GABRG1: variants seen among roughly 807,000 people sequenced by gnomAD.
GABRG1 encodes the protein gamma-aminobutyric acid receptor subunit gamma-1.
GABRG1 carries 49 observed loss-of-function variants against 49.8 expected under a neutral mutation model. That is an observed-to-expected ratio of 0.98 (90% CI 0.78 to 1.25). The LOEUF (loss-of-function observed/expected upper bound fraction) is 1.25. GABRG1 is among the 50% of genes most tolerant of loss of function. GABRG1 has a pLI of 0.00. For missense variants in GABRG1, 552 were observed against 552.3 expected (o/e 1.00, Z 0.01); for synonymous variants, 232 against 185.1 (o/e 1.25, Z -2.06).
At chr4:46,074,012 C>T (rs1394972252) in intron 3 of GABRG1, among the ~76,000 whole-genome samples, 2 of 152,070 alleles carry the variant, frequency 1.3e-5, no homozygotes, top group Non-Finnish European at 2.9e-5. Context: ...CAGTTTATTA[C>T]CAATTAACAG....
intron 1 of GABRG1, among the ~76,000 whole-genome samples, chr4:46,111,855 G>T (rs927775845): frequency 6.6e-6 from 1 of 151,170 alleles, no homozygotes; most frequent in African/African-American, 2.4e-5. Context: ...ATAGATTAAA[G>T]GTTTAAATGT....
intron 2 of GABRG1, 43 bp downstream of exon 2, chr4:46,097,158 G>A: frequency 6.5e-7 from 1 of 1,533,892 alleles, no homozygotes; most frequent in Non-Finnish European, 8.9e-7. Context: ...GTAATGATAT[G>A]TTTAATGGTC....
chr4:46,121,863 A>T (rs1392465143), intron 1 of GABRG1, among the ~76,000 whole-genome samples: 2 of 152,088 alleles, frequency 1.3e-5, no homozygotes, highest in Non-Finnish European at 2.9e-5. Flanking sequence ...TTATGTGTTA[A>T]CTGTACAATA....
chr4:46,099,609 T>C (rs1425543011), intron 1 of GABRG1, among the ~76,000 whole-genome samples: 1 of 151,738 alleles, frequency 6.6e-6, no homozygotes, highest in Admixed American at 6.6e-5. Context: ...TCAGTTCTAC[T>C]ATTCCAAATC....
chr4:46,104,502 C>T (rs769769928), intron 1 of GABRG1, among the ~76,000 whole-genome samples: 1 of 151,438 alleles, frequency 6.6e-6, no homozygotes, highest in South Asian at 2.1e-4. Context: ...AATGACACAA[C>T]GTTACATATA....
chr4:46,077,510 A>G (rs1321363431), intron 3 of GABRG1, among the ~76,000 whole-genome samples: 2 of 151,890 alleles, frequency 1.3e-5, no homozygotes, highest in East Asian at 3.9e-4. Flanking sequence ...TTCTTGGTTG[A>G]GTATGTATTT....
At chr4:46,122,388 G>A (rs750986059) in intron 1 of GABRG1, among the ~76,000 whole-genome samples, 1 of 151,994 alleles carries the variant, frequency 6.6e-6, no homozygotes, top group Non-Finnish European at 1.5e-5. Context: ...ATATTATGAT[G>A]TATGTGTATA....
chr4:46,051,387 G>C, intron 8 of GABRG1, 37 bp downstream of exon 8: 1 of 1,434,612 alleles, frequency 7.0e-7, no homozygotes, highest in Non-Finnish European at 9.5e-7. Context: ...TAAGTAAGTT[G>C]AGGTTTATAA....
intron 1 of GABRG1, among the ~76,000 whole-genome samples, chr4:46,115,674 T>C (rs981675187): frequency 1.3e-5 from 2 of 150,808 alleles, no homozygotes; most frequent in African/African-American, 4.8e-5. Context: ...TAGTCTATTT[T>C]ATATGGTTTC....
At chr4:46,121,873 A>G (rs574284199) in intron 1 of GABRG1, among the ~76,000 whole-genome samples, 19 of 152,192 alleles carry the variant, frequency 1.2e-4, no homozygotes, top group Admixed American at 2.0e-4. Context: ...ACTGTACAAT[A>G]CCTTCCTCAC....
At chr4:46,111,750 C>T (rs371102074) in intron 1 of GABRG1, among the ~76,000 whole-genome samples, 2 of 151,394 alleles carry the variant, frequency 1.3e-5, no homozygotes, top group African/African-American at 4.8e-5. Flanking sequence ...AAAGGACTCT[C>T]TATTCAATAA....
At chr4:46,049,386 C>T (rs983020342) in intron 8 of GABRG1, among the ~76,000 whole-genome samples, 8 of 151,782 alleles carry the variant, frequency 5.3e-5, no homozygotes, top group South Asian at 2.1e-4. Context: ...CGGTTTTTCA[C>T]TCAAAATATC....
At position 46,123,752 on chromosome 4, in the gene GABRG1, G is replaced by A. The variant is rs977025719; in HGVS notation, c.104+58C>T. The A allele has an allele frequency of 3.3e-6, 4 of 1,211,282 alleles. No homozygotes were observed. The African/African-American group carries it at 4.5e-5, about 14-fold the overall frequency. The allele number at this position is 1,211,282 out of a possible 1,614,324, so 75.0% of individuals were successfully genotyped here. ...GTGGAATAATTTTTAAAAGAAAGGG[G>A]AATAAGGGGAAAGGGGTAGATAGCA... On this transcript the variant is annotated intron_variant, in intron 1 of 8. Coordinates refer to ENST00000295452, the MANE Select transcript of GABRG1 (RefSeq NM_173536.4).
chr4:46,067,522 G>A (rs1476141874), intron 3 of GABRG1, among the ~76,000 whole-genome samples: 1 of 152,010 alleles, frequency 6.6e-6, no homozygotes, highest in Non-Finnish European at 1.5e-5. Context: ...AAAATATGAA[G>A]TTTTTGTGCA....
chr4:46,123,788 T>A (rs754750796), intron 1 of GABRG1, 22 bp downstream of exon 1: 1 of 1,562,310 alleles, frequency 6.4e-7, no homozygotes, highest in Non-Finnish European at 8.8e-7. Flanking sequence ...AAGAATAGTT[T>A]TAAACCCCTG....
At chr4:46,046,338 A>C (rs1436910710) in intron 8 of GABRG1, among the ~76,000 whole-genome samples, 1 of 151,982 alleles carries the variant, frequency 6.6e-6, no homozygotes, top group East Asian at 1.9e-4. Flanking sequence ...GTATCTATAC[A>C]CTCCAGGGAA....
chr4:46,064,339 C>G (rs6838525), intron 5 of GABRG1, 102 bp downstream of exon 5: 2 of 622,988 alleles, frequency 3.2e-6, no homozygotes, highest in South Asian at 4.6e-5. Context: ...GAACATAACT[C>G]ACACTTTTGA....
chr4:46,043,172 T>A (rs1262895109), intron 8 of GABRG1, among the ~76,000 whole-genome samples: 1 of 152,012 alleles, frequency 6.6e-6, no homozygotes, highest in African/African-American at 2.4e-5. Context: ...AACGGCATTA[T>A]CATAAATGGA....
At chr4:46,090,657 TA>T (rs1719945006) in intron 2 of GABRG1, among the ~76,000 whole-genome samples, 6 of 151,968 alleles carry the variant, frequency 3.9e-5, no homozygotes, top group Admixed American at 3.9e-4. Flanking sequence ...AAGAAAACTA[TA>T]AATTTTTTTT....
Sources: gnomAD v4.1 joint callset for allele counts (sites outside exome capture counted in the v4.1 genomes callset) on GRCh38, gnomAD v4.1.1 for gene constraint, MANE v1.5 for transcripts, NCBI Gene and HGNC (gene_info 2026-07-23, HGNC 2026-07-21) for gene names.